Variants in AP4B1 observed in about 807,000 individuals in gnomAD.
AP4B1 encodes the protein AP-4 complex subunit beta-1.
Under a neutral mutation model 76.5 loss-of-function variants are expected in AP4B1, and 49 were observed. The ratio of observed to expected loss-of-function variants is 0.64; its 90% CI spans 0.51 to 0.81. The LOEUF is 0.81. Ranked by LOEUF, AP4B1 falls within the 40% of genes least tolerant of loss-of-function variation. AP4B1 has a pLI of 0.00. For synonymous variants in AP4B1, 330 were observed against 333.3 expected (o/e 0.99, Z 0.11); for missense variants, 911 against 904.9 (o/e 1.01, Z -0.09).
In AP4B1 at chr1:113,898,747, AG is replaced by A; in HGVS notation, c.1168del (p.Leu390TrpfsTer68). ...DQCVQILTEL[L>X]GLRQEHITTV... ...GGTAATGTGCTCTTGTCGAAGACCC[AG>A]CAACTCTGTTAAAATCTGAACACAT... is the stretch of plus-strand genomic sequence containing the variant. On this transcript the variant is annotated frameshift_variant, in exon 6 of 10. Transcript: ENST00000369569. LOFTEE classifies it high-confidence loss of function. 1 of 1,610,192 alleles carries A rather than the reference AG, an allele frequency of 6.2e-7. No homozygotes were observed. Among genetic ancestry groups the A allele is most frequent in the Non-Finnish European group, 8.5e-7 (1 of 1,180,002 alleles).
chr1:113,897,790 G>T, intron 7 of AP4B1, 50 bp downstream of exon 7: 1 of 1,588,370 alleles, frequency 6.3e-7, no homozygotes, highest in Non-Finnish European at 8.6e-7. Context: ...AAAGGGCAGG[G>T]TTTCAAGCAT....
Position 113,898,735 on chromosome 1 carries a change from T to G in AP4B1, c.1181A>C (p.Gln394Pro). The G allele has an allele frequency of 6.2e-7, 1 of 1,609,712 alleles. No individual in the cohort carries two copies. Among genetic ancestry groups the G allele is most frequent in the Admixed American group, 1.7e-5 (1 of 60,020 alleles). ...QILTELLGLR[Q>P]EHITTVVVQT... ...GGCATTACCTGTGGTAATGTGCTCT[T>G]GTCGAAGACCCAGCAACTCTGTTAA... Residue 394 changes from glutamine to proline, a missense_variant, in exon 6 of 10, where the codon CAA (glutamine) becomes CCA (proline). Gln to Pro is a moderately conservative substitution (Grantham distance 76, BLOSUM62 -1). Coordinates refer to ENST00000369569, the MANE Select transcript of AP4B1 (RefSeq NM_001253852.3).
chr1:113,896,469 G>T lies in AP4B1; in HGVS notation c.1303-4C>A, dbSNP rs1243631259. 9 of 1,613,854 alleles carry T rather than the reference G, an allele frequency of 5.6e-6. 1 individual carries two copies. The highest frequency in any genetic ancestry group is 5.5e-5 in the South Asian group (5 of 91,072). ...GCCAAATAAGTGCTTGCTTCCCCTAGAGAATAAAGGAATAAGAGCAAGTGC... is the reference window on the plus strand; with the variant it reads ...GCCAAATAAGTGCTTGCTTCCCCTATAGAATAAAGGAATAAGAGCAAGTGC... On this transcript the variant is annotated splice_region_variant and splice_polypyrimidine_tract_variant and intron_variant, in intron 7 of 9. Transcript: ENST00000369569.
chr1:113,903,859 C>T (rs1419461347), intron 1 of AP4B1, among the ~76,000 whole-genome samples: 1 of 152,158 alleles, frequency 6.6e-6, no homozygotes, highest in East Asian at 1.9e-4. Context: ...ATACAGATTC[C>T]TGGGTTCCCT....
At position 113,900,390 on chromosome 1, in the gene AP4B1, G is replaced by A. The variant is rs1330151179; in HGVS notation, c.628C>T (p.Leu210=). ...ACTTCAGCCTGGCCCCATTGGTCCA[G>A]TTTTGACATTCTATCCAAAAAACAA... The part of the protein sequence containing the change: ...AHHLLNRMSK[L]DQWGQAEVLN... Residue 210 remains leucine, a synonymous_variant, in exon 5 of 10, where the codon CTG becomes TTG. Coordinates refer to ENST00000369569, the MANE Select transcript of AP4B1 (RefSeq NM_001253852.3). 1 of 1,613,460 alleles carries A rather than the reference G, an allele frequency of 6.2e-7. No homozygotes were observed. Among genetic ancestry groups the A allele is most frequent in the East Asian group, 2.2e-5 (1 of 44,868 alleles).
Position 113,900,018 on chromosome 1 carries a change from C to T in AP4B1, c.1000G>A (p.Glu334Lys), listed in dbSNP as rs1668023947. ...TCGTTCACCAGTTCACACAGCACCT[C>T]CACTTTCTGTAGTTTGATGTAGTGG... Reference protein sequence around the residue: ...EPHYIKLQKVEVLCELVNDEN... With the variant: ...EPHYIKLQKVKVLCELVNDEN... The change falls in exon 5 of 10, where the codon GAG (glutamate) becomes AAG (lysine). Residue 334 changes from glutamate (E) to lysine (K), a missense_variant. Physicochemically the swap from Glu to Lys is moderately conservative, Grantham distance 56. Transcript: ENST00000369569. The T allele has an allele frequency of 6.2e-7, 1 of 1,614,064 alleles. No individual in the cohort carries two copies. Among genetic ancestry groups the T allele is most frequent in the Non-Finnish European group, 8.5e-7 (1 of 1,180,040 alleles).
chr1:113,896,685 T>C, intron 7 of AP4B1: 1 of 598,210 alleles, frequency 1.7e-6, no homozygotes, highest in Non-Finnish European at 2.9e-6. Flanking sequence ...TTTCATAGCC[T>C]ATGTTGGATT....
intron 6 of AP4B1, 193 bp from the exon 7 acceptor site, chr1:113,898,136 T>G (rs1445757006): frequency 2.8e-6 from 3 of 1,058,098 alleles, no homozygotes; most frequent in Non-Finnish European, 4.0e-6. Context: ...ATTGCTCTTA[T>G]CAGATTGACA....
In AP4B1 at chr1:113,898,805, C is replaced by T. The variant is rs768861284; in HGVS notation, c.1115-4G>A. 10 of 1,604,872 alleles carry T rather than the reference C, an allele frequency of 6.2e-6. No individual in the cohort carries two copies. Among genetic ancestry groups the T allele is most frequent in the Non-Finnish European group, 8.5e-6 (10 of 1,178,734 alleles). On this transcript the variant is annotated splice_polypyrimidine_tract_variant and splice_region_variant and intron_variant, in intron 5 of 9. Coordinates refer to ENST00000369569, the MANE Select transcript of AP4B1 (RefSeq NM_001253852.3). ...GTGTAAGTCCTGGCAATGCCACCTA[C>T]AAAAGAAGGGAAAGCAGAGAAAACT...
chr1:113,902,935 A>G (rs902091098), intron 1 of AP4B1, 73 bp from the exon 2 acceptor site: 40 of 1,330,450 alleles, frequency 3.0e-5, no homozygotes, highest in African/African-American at 5.8e-5. Flanking sequence ...TTTTACTTAC[A>G]TATCTCCTGA....
At chr1:113,898,694 A>G (rs768827021) in intron 6 of AP4B1, 24 bp downstream of exon 6, 4 of 1,600,088 alleles carry the variant, frequency 2.5e-6, no homozygotes, top group Admixed American at 1.7e-5. Flanking sequence ...AAAAAAACAA[A>G]AATCCTAAAA....
intron 1 of AP4B1, among the ~76,000 whole-genome samples, chr1:113,903,719 A>G (rs10858022): frequency 0.32 from 48,955 of 152,172 alleles, 9,534 homozygotes; most frequent in East Asian, 0.78. Flanking sequence ...GAGCAGGAGC[A>G]GCACACATTT....
chr1:113,902,103 G>A (rs1301423077), intron 2 of AP4B1: 15 of 567,448 alleles, frequency 2.6e-5, no homozygotes, highest in Non-Finnish European at 4.4e-5. Context: ...CCAGTGGCCC[G>A]ATCATAGCTC....
Position 113,900,294 on chromosome 1 carries a change from T to G in AP4B1, c.724A>C (p.Ser242Arg), listed in dbSNP as rs1322278680. ...CCTGGGCTACTGCTCTTGAGGAAACTATCCAACAGATTGAGAATGTCAAAT... is the reference window on the plus strand; with the variant it reads ...CCTGGGCTACTGCTCTTGAGGAAACGATCCAACAGATTGAGAATGTCAAAT... ...ELFDILNLLD[S>R]FLKSSSPGVV... Residue 242 changes from serine to arginine, a missense_variant, in exon 5 of 10, where the codon AGT becomes CGT. Ser to Arg is a moderately radical substitution (Grantham distance 110). Coordinates refer to ENST00000369569, the MANE Select transcript of AP4B1 (RefSeq NM_001253852.3). The G allele has an allele frequency of 3.1e-6, 5 of 1,604,182 alleles. No individual in the cohort carries two copies. The African/African-American group carries it at 6.7e-5, about 22-fold the overall frequency.
intron 7 of AP4B1, chr1:113,897,599 A>G (rs2101006987): frequency 1.8e-6 from 1 of 546,226 alleles, no homozygotes; most frequent in South Asian, 2.0e-5. Flanking sequence ...AAGCAAAACA[A>G]AACAAAACAG....
intron 6 of AP4B1, 74 bp downstream of exon 6, chr1:113,898,644 A>G: frequency 9.0e-7 from 1 of 1,115,090 alleles, no homozygotes; most frequent in Non-Finnish European, 1.4e-6. Context: ...TTCAACAACA[A>G]ACATGTTTTG....
chr1:113,904,756 G>GAGTTACCGTGGGA lies in AP4B1; in HGVS notation c.-40_-39insTCCCACGGTAACT. 6.5e-7 allele frequency: 1 copy of GAGTTACCGTGGGA among 1,541,066 alleles called. No individual in the cohort carries two copies. Among genetic ancestry groups the GAGTTACCGTGGGA allele is most frequent in the Non-Finnish European group, 9.0e-7 (1 of 1,115,216 alleles). On this transcript the variant is annotated 5_prime_UTR_variant, in exon 1 of 10. Coordinates refer to ENST00000369569, the MANE Select transcript of AP4B1 (RefSeq NM_001253852.3). ...ACAGGGCAGCTCCCACAGCTCCCAC[G>GAGTTACCGTGGGA]GTAACTCGAGGGCTCCTTCTCGTCC...
chr1:113,895,805 C>T lies in AP4B1; in HGVS notation c.1744G>A (p.Glu582Lys), dbSNP rs779319072. Residue 582 changes from glutamate (E) to lysine (K), a missense_variant, in exon 9 of 10, where the codon GAG becomes AAG. Physicochemically the swap from Glu to Lys is moderately conservative, Grantham distance 56. Transcript: ENST00000369569. ...TTAGGAAGCTCTGGGTCACAACGCT[C>T]TGCCCCCTGGCATTTAGAGATAGTT... is the stretch of plus-strand genomic sequence containing the variant. ...WATISKCQGAERCDPELPKTS... is the reference protein window; with the variant it reads ...WATISKCQGAKRCDPELPKTS... 44 of 1,614,142 alleles carry T rather than the reference C, an allele frequency of 2.7e-5. No individual in the cohort carries two copies. The highest frequency in any genetic ancestry group is 3.6e-5 in the Non-Finnish European group (42 of 1,180,060).
chr1:113,901,073 C>T, intron 4 of AP4B1, 163 bp downstream of exon 4: 1 of 1,022,840 alleles, frequency 9.8e-7, no homozygotes, highest in South Asian at 1.5e-5. Context: ...CGCCATTGCA[C>T]TCCAGCTTAG....
Sources: allele counts gnomAD v4.1 joint callset (sites outside exome capture counted in the v4.1 genomes callset), GRCh38; gene constraint gnomAD v4.1.1; transcripts MANE v1.5; gene names NCBI Gene and HGNC (gene_info 2026-07-23, HGNC 2026-07-21).